Variants in UPF3B observed in about 807,000 individuals in gnomAD.
The protein encoded by UPF3B is regulator of nonsense transcripts 3B.
Under a neutral mutation model 40.3 loss-of-function variants are expected in UPF3B, and 7 were observed. The ratio of observed to expected loss-of-function variants is 0.17; its 90% CI spans 0.10 to 0.33. The LOEUF is 0.33. Ranked by LOEUF, UPF3B falls within the 10% of genes least tolerant of loss-of-function variation. UPF3B has a pLI of 1.00. For missense variants in UPF3B, 229 were observed against 358.9 expected (o/e 0.64, Z 2.93); for synonymous variants, 117 against 117.3 (o/e 1.00, Z 0.01).
At chrX:119,825,987 A>G (rs1408747924) in intron 3 of UPF3B, among the ~76,000 whole-genome samples, 1 of 109,697 alleles carries the variant, frequency 9.1e-6, no homozygotes, top group East Asian at 2.9e-4. Context: ...GGTGAAATCC[A>G]TTCTCTACTA....
intron 5 of UPF3B, among the ~76,000 whole-genome samples, chrX:119,814,455 C>G (rs1388534556): frequency 8.9e-6 from 1 of 112,264 alleles, no homozygotes; most frequent in Non-Finnish European, 1.9e-5. Flanking sequence ...AAAGTTTGTT[C>G]TATTCTTCCC....
chrX:119,839,300 G>A (rs2496206), intron 8 of UPF3B, among the ~76,000 whole-genome samples: 1,459 of 112,092 alleles, frequency 0.013, 15 homozygotes, highest in African/African-American at 0.045. Context: ...TTTGCCTTGA[G>A]CCTGAGAATA....
chrX:119,837,795 T>C lies in UPF3B; in HGVS notation c.1264A>G (p.Lys422Glu). 8.3e-7 allele frequency: 1 copy of C among 1,210,761 alleles called. No homozygotes were observed. Among genetic ancestry groups the C allele is most frequent in the South Asian group, 1.8e-5 (1 of 56,670 alleles). ...CGATCTCTCTTGACCACTTCTTCTT[T>C]CTTTTCAGTTTTTTCTGAGCTGCCT... ...SIGSSEKTEK[K>E]EEVVKRDRIR... The change falls in exon 10 of 11, where the codon AAA becomes GAA. Residue 422 changes from lysine to glutamate, a missense_variant. By Grantham distance (56) the Lys-to-Glu change is moderately conservative (BLOSUM62 1). This residue lies in a region of UPF3B where 119 missense variants were observed against 153.8 expected (regional missense o/e 0.77). Coordinates refer to ENST00000276201, the MANE Select transcript of UPF3B (RefSeq NM_080632.3).
Position 119,807,481 on chromosome X carries a change from T to G in UPF3B, c.*5A>C, listed in dbSNP as rs996024653. Reference sequence around the variant, plus strand: ...TATGGTTAATATCACTTTCCTGCTTTCTTTCTACTGCTGAATCTCCAGATT... The same window carrying G: ...TATGGTTAATATCACTTTCCTGCTTGCTTTCTACTGCTGAATCTCCAGATT... On this transcript the variant is annotated 3_prime_UTR_variant, in exon 6 of 7. Transcript: ENST00000636792. 23 of 889,112 alleles carry G rather than the reference T, an allele frequency of 2.6e-5. 1 individual carries two copies. The highest frequency in any genetic ancestry group is 1.3e-4 in the South Asian group (4 of 31,494). The allele number at this position is 889,112 out of a possible 1,213,427, so 73.3% of individuals were successfully genotyped here. A position where few individuals can be genotyped will look rare whatever the true frequency, so the allele number is the denominator to read the frequency against.
chrX:119,817,806 T>C (rs1490243852), intron 4 of UPF3B, among the ~76,000 whole-genome samples: 1 of 111,845 alleles, frequency 8.9e-6, no homozygotes, highest in Non-Finnish European at 1.9e-5. Flanking sequence ...AAATTTAAGA[T>C]GAAGCTTGGG....
At chrX:119,812,483 A>G (rs1281472106) in intron 5 of UPF3B, among the ~76,000 whole-genome samples, 1 of 111,202 alleles carries the variant, frequency 9.0e-6, no homozygotes, top group Non-Finnish European at 1.9e-5. Flanking sequence ...GTGATTTGCA[A>G]GTCACTGAAT....
intron 4 of UPF3B, among the ~76,000 whole-genome samples, chrX:119,820,776 T>C (rs773889371): frequency 9.0e-6 from 1 of 111,694 alleles, no homozygotes; most frequent in African/African-American, 3.3e-5. Flanking sequence ...GCTTCTGTTC[T>C]TTTAAAAATC....
intron 5 of UPF3B, among the ~76,000 whole-genome samples, chrX:119,813,915 G>T (rs998573074): frequency 9.0e-6 from 1 of 110,933 alleles, no homozygotes; most frequent in Non-Finnish European, 1.9e-5. Flanking sequence ...TTTTAGCAGT[G>T]CAAGAATGGT....
Position 119,851,873 on chromosome X carries a change from C to A in UPF3B, c.157G>T (p.Val53Leu). 8.6e-7 allele frequency: 1 copy of A among 1,159,198 alleles called. No homozygotes were observed. The highest frequency in any genetic ancestry group is 1.2e-6 in the Non-Finnish European group (1 of 852,842). The change falls in exon 2 of 11, where the codon GTG (valine) becomes TTG (leucine). Residue 53 changes from valine (V) to leucine (L), a missense_variant and splice_region_variant. By Grantham distance (32) the Val-to-Leu change is conservative. Coordinates refer to ENST00000276201, the MANE Select transcript of UPF3B (RefSeq NM_080632.3). The stretch of plus-strand genomic sequence containing the variant: ...GTGGGAGGTAATCTTCGAATTACCA[C>A]CTTAAGAAATGCATAAGGAAAATAA... ...NKEKKEALSK[V>L]VIRRLPPTLT... is the part of the protein sequence containing the mutation.
intron 3 of UPF3B, among the ~76,000 whole-genome samples, chrX:119,847,691 TG>T (rs2056251876): frequency 9.3e-6 from 1 of 107,711 alleles, no homozygotes; most frequent in Admixed American, 1.0e-4. Flanking sequence ...TGCTTGCACC[TG>T]GGAGGTGGAG....
intron 4 of UPF3B, among the ~76,000 whole-genome samples, chrX:119,816,421 A>C (rs900406121): frequency 1.5e-4 from 17 of 111,758 alleles, no homozygotes; most frequent in East Asian, 2.8e-4. Flanking sequence ...CATGAGTTCC[A>C]CGTGCACAAG....
At chrX:119,811,644 CAA>C (rs1310033912) in intron 5 of UPF3B, among the ~76,000 whole-genome samples, 9 of 70,900 alleles carry the variant, frequency 1.3e-4, no homozygotes, top group Admixed American at 1.8e-4. Flanking sequence ...GACTCAGTCT[CAA>C]AAAAAAAAAA....
At chrX:119,846,496 C>T (rs1301663772) in intron 3 of UPF3B, among the ~76,000 whole-genome samples, 3 of 87,277 alleles carry the variant, frequency 3.4e-5, no homozygotes, top group East Asian at 3.4e-4. Context: ...CCACTGCACT[C>T]GAGCCTGGTA....
At chrX:119,809,840 A>G (rs1320235204) in intron 5 of UPF3B, among the ~76,000 whole-genome samples, 2 of 112,072 alleles carry the variant, frequency 1.8e-5, no homozygotes, top group Non-Finnish European at 3.8e-5. Flanking sequence ...AGCTACAATC[A>G]GAGCAAAATG....
At chrX:119,807,692 G>A (rs1006077492) in intron 5 of UPF3B, 2 of 340,410 alleles carry the variant, frequency 5.9e-6, no homozygotes, top group African/African-American at 5.7e-5. Flanking sequence ...AGTAATTTAA[G>A]ACCAAAAATG....
At chrX:119,822,680 T>A (rs1014018913) in intron 4 of UPF3B, among the ~76,000 whole-genome samples, 8 of 111,286 alleles carry the variant, frequency 7.2e-5, no homozygotes, top group Admixed American at 5.8e-4. Context: ...CGATCATGGC[T>A]TACTGCAACC....
chrX:119,852,272 TA>T (rs1327943851), intron 1 of UPF3B, among the ~76,000 whole-genome samples: 17 of 111,491 alleles, frequency 1.5e-4, no homozygotes, highest in Non-Finnish European at 1.9e-5. Context: ...CAACACATCT[TA>T]AAACAAAATC....
At chrX:119,830,387 G>C (rs1358260182), downstream of UPF3B, among the ~76,000 whole-genome samples, 1 of 110,404 alleles carries the variant, frequency 9.1e-6, no homozygotes, top group African/African-American at 3.3e-5. Flanking sequence ...TTGCTGTAAA[G>C]TGTGGCACCT....
At chrX:119,838,666 C>G (rs1349064526) in intron 8 of UPF3B, 139 bp from the exon 9 acceptor site, 3 of 579,361 alleles carry the variant, frequency 5.2e-6, no homozygotes. Flanking sequence ...TTCAGGTGAA[C>G]AACTAGTGCA....
Sources: allele counts gnomAD v4.1 joint callset (sites outside exome capture counted in the v4.1 genomes callset), GRCh38; gene constraint gnomAD v4.1.1; regional missense constraint gnomAD v4.1.1; transcripts MANE v1.5; gene names NCBI Gene and HGNC (gene_info 2026-07-23, HGNC 2026-07-21).